BACH2: variants seen among roughly 807,000 people sequenced by gnomAD.
BACH2 encodes the protein transcription regulator protein BACH2.
BACH2 carries 5 observed loss-of-function variants against 61.8 expected under a neutral mutation model. That is an observed-to-expected ratio of 0.08 (90% CI 0.04 to 0.17). The LOEUF is 0.17. BACH2 is among the 10% of genes least tolerant of loss of function. BACH2 has a pLI of 1.00. For missense variants in BACH2, 824 were observed against 1,091.1 expected, an observed-to-expected ratio of 0.76 and a Z score of 3.45; for synonymous variants, 446 against 440.1, an observed-to-expected ratio of 1.01 and a Z score of -0.17.
intron 4 of BACH2, among the ~76,000 whole-genome samples, chr6:90,111,648 A>T (rs1197096566): frequency 6.6e-6 from 1 of 152,140 alleles, no homozygotes; most frequent in Non-Finnish European, 1.5e-5. Context: ...GTTAGGCATT[A>T]CTCAACCTGC....
In BACH2 at chr6:90,131,264, C is replaced by G. The variant is rs565588397; in HGVS notation, c.-161-42155G>C. ...AATGAATTCAGAAATTCCACACTCA[C>G]AGCCTGCTTCAAGTCCTGTGTCAGC... is the stretch of plus-strand genomic sequence containing the variant. On this transcript the variant is annotated intron_variant, in intron 4 of 8. Coordinates refer to ENST00000257749, the MANE Select transcript of BACH2 (RefSeq NM_021813.4). Among the ~76,000 whole-genome samples the G allele has an allele frequency of 7.9e-5, 12 of 152,348 alleles. 1 individual carries two copies. The South Asian group carries it at 2.3e-3, about 29-fold the overall frequency.
intron 3 of BACH2, among the ~76,000 whole-genome samples, chr6:90,242,136 T>C (rs1033216303): frequency 6.6e-6 from 1 of 151,962 alleles, no homozygotes; most frequent in Non-Finnish European, 1.5e-5. Context: ...AAGAGTTCAC[T>C]CTTTATGTTA....
At chr6:90,160,447 G>GCA (rs1299898344) in intron 4 of BACH2, among the ~76,000 whole-genome samples, 1 of 152,162 alleles carries the variant, frequency 6.6e-6, no homozygotes, top group Admixed American at 6.5e-5. Flanking sequence ...TCTGGCCAGT[G>GCA]CACACAGTTA....
intron 5 of BACH2, among the ~76,000 whole-genome samples, chr6:90,069,612 A>C (rs1250166120): frequency 1.3e-5 from 2 of 152,186 alleles, no homozygotes; most frequent in Non-Finnish European, 2.9e-5. Flanking sequence ...ACTTTAAGCA[A>C]ATTCAGAGGA....
chr6:90,161,356 A>AT (rs1257601672), intron 4 of BACH2, among the ~76,000 whole-genome samples: 2 of 152,072 alleles, frequency 1.3e-5, no homozygotes, highest in Admixed American at 6.6e-5. Flanking sequence ...TAATAATGAT[A>AT]TTTTTTCTAA....
intron 6 of BACH2, among the ~76,000 whole-genome samples, chr6:89,999,838 A>G (rs971214648): frequency 6.6e-6 from 1 of 152,232 alleles, no homozygotes; most frequent in African/African-American, 2.4e-5. Context: ...GCCTTGTCAT[A>G]AATCTATTTC....
In BACH2 at chr6:89,998,957, T is replaced by C. The variant is rs1378680036; in HGVS notation, c.243+9645A>G. Among the ~76,000 whole-genome samples the C allele has an allele frequency of 2.6e-5, 4 of 152,218 alleles. No individual in the cohort carries two copies. The East Asian group carries it at 7.7e-4, about 29-fold the overall frequency. ...ATTTTTGAATGGAATGCGAATCCAT[T>C]AAGATTATTAGGTAACTTTATTGAT... On this transcript the variant is annotated intron_variant, in intron 6 of 8. Transcript: ENST00000257749.
intron 5 of BACH2, among the ~76,000 whole-genome samples, chr6:90,056,395 AG>A (rs1377646486): frequency 6.6e-6 from 1 of 152,202 alleles, no homozygotes; most frequent in African/African-American, 2.4e-5. Flanking sequence ...ATAATGGTAA[AG>A]GGATCAATTC....
intron 4 of BACH2, among the ~76,000 whole-genome samples, chr6:90,098,818 C>T (rs934236460): frequency 1.3e-5 from 2 of 152,132 alleles, no homozygotes; most frequent in African/African-American, 4.8e-5. Flanking sequence ...TTTCAGCTTC[C>T]GGAACACCCC....
At chr6:90,036,841 C>T (rs1295738804) in intron 5 of BACH2, among the ~76,000 whole-genome samples, 1 of 152,018 alleles carries the variant, frequency 6.6e-6, no homozygotes, top group Non-Finnish European at 1.5e-5. Context: ...TAACCATCAC[C>T]CCAGAAAGAT....
intron 4 of BACH2, among the ~76,000 whole-genome samples, chr6:90,161,224 A>G (rs1316529893): frequency 6.6e-6 from 1 of 152,190 alleles, no homozygotes; most frequent in Non-Finnish European, 1.5e-5. Flanking sequence ...CTCAGCAATT[A>G]AAGTTTGGGA....
intron 4 of BACH2, among the ~76,000 whole-genome samples, chr6:90,205,836 C>A (rs1188958333): frequency 6.6e-6 from 1 of 152,212 alleles, no homozygotes; most frequent in Non-Finnish European, 1.5e-5. Context: ...CTGGTACACA[C>A]CTTGCTAGAA....
intron 6 of BACH2, among the ~76,000 whole-genome samples, chr6:90,003,549 C>T (rs373842970): frequency 2.0e-5 from 3 of 152,132 alleles, no homozygotes; most frequent in Non-Finnish European, 2.9e-5. Flanking sequence ...GAGCTAGGTT[C>T]GCCTAGCACC....
Position 89,932,608 on chromosome 6 carries a change from G to C in BACH2, c.2326C>G (p.Pro776Ala), listed in dbSNP as rs200671083. 15 of 1,613,698 alleles carry C rather than the reference G, an allele frequency of 9.3e-6. No individual in the cohort carries two copies. The highest frequency in any genetic ancestry group is 5.0e-5 in the Admixed American group (3 of 59,988). The change falls in exon 9 of 9, where the codon CCC (proline) becomes GCC (alanine). Residue 776 changes from proline (P) to alanine (A), a missense_variant. By Grantham distance (27) the Pro-to-Ala change is conservative. Transcript: ENST00000257749. ...VPCCLEPGAA[P>A]PGPPWAPSNT... The stretch of plus-strand genomic sequence containing the variant: ...CTGGGTGCCCAGGGGGGTCCGGGGG[G>C]AGCCGCGCCTGGCTCCAAGCAGCAG...
At chr6:90,226,131 C>G (rs1769905680) in intron 3 of BACH2, among the ~76,000 whole-genome samples, 1 of 152,104 alleles carries the variant, frequency 6.6e-6, no homozygotes, top group Non-Finnish European at 1.5e-5. Flanking sequence ...GGGGTGAAAC[C>G]AGGCATCTGG....
intron 6 of BACH2, among the ~76,000 whole-genome samples, chr6:89,957,297 T>C (rs1163790687): frequency 6.6e-6 from 1 of 152,248 alleles, no homozygotes; most frequent in Non-Finnish European, 1.5e-5. Context: ...ATTATCACAT[T>C]CTTCTTCCAA....
intron 4 of BACH2, among the ~76,000 whole-genome samples, chr6:90,160,682 C>T (rs1456325108): frequency 6.6e-6 from 1 of 152,202 alleles, no homozygotes; most frequent in African/African-American, 2.4e-5. Flanking sequence ...AAAGGCCACA[C>T]TATTTTCAGT....
At chr6:90,026,965 T>C (rs901168222) in intron 5 of BACH2, among the ~76,000 whole-genome samples, 1 of 152,144 alleles carries the variant, frequency 6.6e-6, no homozygotes, top group Non-Finnish European at 1.5e-5. Flanking sequence ...CAGCATCTAA[T>C]GGGGTGAAAG....
chr6:89,978,347 A>C (rs1318646704), intron 6 of BACH2, among the ~76,000 whole-genome samples: 1 of 152,206 alleles, frequency 6.6e-6, no homozygotes, highest in East Asian at 1.9e-4. Context: ...TCACACACCA[A>C]CTGCAGAAAC....
Sources: allele counts gnomAD v4.1 joint callset (sites outside exome capture counted in the v4.1 genomes callset), GRCh38; gene constraint gnomAD v4.1.1; transcripts MANE v1.5; gene names NCBI Gene and HGNC (gene_info 2026-07-23, HGNC 2026-07-21).